Variants in PLEKHB1 observed in about 807,000 individuals in gnomAD.
PLEKHB1 encodes the protein pleckstrin homology domain-containing family B member 1.
In PLEKHB1, 29 loss-of-function variants were observed where a neutral mutation model predicts 36.2. The observed-to-expected ratio is 0.80, with a 90% confidence interval of 0.60 to 1.09. The LOEUF is 1.09. PLEKHB1 is among the 50% of genes least tolerant of loss of function. PLEKHB1 has a pLI of 0.00. For synonymous variants in PLEKHB1, 138 were observed against 140.0 expected (o/e 0.99, Z 0.10); for missense variants, 330 against 348.2 (o/e 0.95, Z 0.42).
chr11:73,661,034 C>A lies in PLEKHB1; in HGVS notation c.595+182C>A. 3.1e-6 allele frequency: 2 copies of A among 652,612 alleles called. No homozygotes were observed. The highest frequency in any genetic ancestry group is 2.6e-5 in the Admixed American group (1 of 38,028). 40.4% of individuals were successfully genotyped at this position (652,612 alleles called of 1,614,324 possible). A position where few individuals can be genotyped will look rare whatever the true frequency, so the allele number is the denominator to read the frequency against. On this transcript the variant is annotated intron_variant, in intron 7 of 7. Coordinates refer to ENST00000354190, the MANE Select transcript of PLEKHB1 (RefSeq NM_021200.3). The surrounding 1 kb of genome is among the most constrained non-coding windows in gnomAD (Gnocchi z 4.6). ...CTGGGAGAGCTCTGGAACCAGCGTT[C>A]GTCTCGAGCTGACCTCACCCTTCTG...
intron 5 of PLEKHB1, chr11:73,653,275 G>A (rs1268915091): frequency 3.4e-5 from 23 of 667,624 alleles, no homozygotes; most frequent in South Asian, 1.6e-5. Context: ...GTCTTTTATC[G>A]AGCAACTATT....
Position 73,661,610 on chromosome 11 carries a change from G to T in PLEKHB1, c.*8G>T. 1 of 1,572,336 alleles carries T rather than the reference G, an allele frequency of 6.4e-7. No homozygotes were observed. The highest frequency in any genetic ancestry group is 8.6e-7 in the Non-Finnish European group (1 of 1,161,188). Reference sequence around the variant, plus strand: ...TCGCCCTGCTGGTTCTGAGCCCTGGGACTCGGAGCACTGACCCCTGCGCTT... The same window carrying T: ...TCGCCCTGCTGGTTCTGAGCCCTGGTACTCGGAGCACTGACCCCTGCGCTT... On this transcript the variant is annotated 3_prime_UTR_variant, in exon 8 of 8. Coordinates refer to ENST00000354190, the MANE Select transcript of PLEKHB1 (RefSeq NM_021200.3). The surrounding 1 kb of genome is among the most constrained non-coding windows in gnomAD (Gnocchi z 4.6).
chr11:73,656,665 T>A lies in PLEKHB1; in HGVS notation c.495+758T>A, dbSNP rs1944998823. On this transcript the variant is annotated intron_variant, in intron 6 of 7. Coordinates refer to ENST00000354190, the MANE Select transcript of PLEKHB1 (RefSeq NM_021200.3). ...AGCACAGGGCCTGGCATGGGGTGGG[T>A]GGCAGGAGGGGGCTTGAGTGAGAGT... 2.0e-5 allele frequency among the ~76,000 whole-genome samples: 3 copies of A among 152,126 alleles called. No homozygotes were observed. In the South Asian group the frequency reaches 6.2e-4, roughly 32 times the overall value.
intron 1 of PLEKHB1, chr11:73,648,096 G>A (rs1944805745): frequency 3.8e-6 from 2 of 532,026 alleles, no homozygotes; most frequent in East Asian, 1.5e-4. Flanking sequence ...AGGTGAGGGA[G>A]TAGAATGTGC....
intron 5 of PLEKHB1, among the ~76,000 whole-genome samples, chr11:73,655,387 TCCAGGTGGAGGCTCCAGGAGCCCCTAACA>T (rs1425933384): frequency 1.3e-5 from 2 of 152,158 alleles, no homozygotes; most frequent in African/African-American, 4.8e-5. Flanking sequence ...CATACCTCAC[TCCAGGTGGAGGCTCCAGGAGCCCCTAACA>T]CCAGCTTTAC....
chr11:73,654,086 C>T (rs181326830), intron 5 of PLEKHB1, among the ~76,000 whole-genome samples: 3 of 151,418 alleles, frequency 2.0e-5, no homozygotes, highest in Admixed American at 2.0e-4. Flanking sequence ...AGGGTAACTG[C>T]AGACACCCAG....
chr11:73,646,873 T>A (rs890654898), intron 1 of PLEKHB1, among the ~76,000 whole-genome samples: 1 of 152,162 alleles, frequency 6.6e-6, no homozygotes, highest in East Asian at 1.9e-4. Flanking sequence ...TTCTTCACTG[T>A]GCCCTAGAGG....
intron 5 of PLEKHB1, chr11:73,653,233 G>C: frequency 1.5e-6 from 1 of 652,236 alleles, no homozygotes; most frequent in Non-Finnish European, 2.8e-6. Context: ...ATTTGCTGGA[G>C]GGAGTGGCAC....
chr11:73,651,990 G>A (rs1458204468), intron 4 of PLEKHB1, 100 bp downstream of exon 4: 3 of 1,063,430 alleles, frequency 2.8e-6, no homozygotes, highest in African/African-American at 1.6e-5. Context: ...TAGGAAGAGG[G>A]CACTAAGGCC....
chr11:73,647,926 C>T, intron 1 of PLEKHB1: 1 of 985,518 alleles, frequency 1.0e-6, no homozygotes, highest in Non-Finnish European at 1.2e-6. Flanking sequence ...GGCGGAGGCA[C>T]CCGCTGGCAA....
intron 3 of PLEKHB1, 113 bp downstream of exon 3, chr11:73,650,818 G>A: frequency 7.9e-7 from 1 of 1,273,264 alleles, no homozygotes; most frequent in Non-Finnish European, 1.1e-6. Flanking sequence ...GCATTTCACA[G>A]ACATTGCTTC....
At position 73,655,840 on chromosome 11, in the gene PLEKHB1, G is replaced by C. The variant is rs191182155; in HGVS notation, c.428G>C (p.Arg143Pro). 21 of 1,613,590 alleles carry C rather than the reference G, an allele frequency of 1.3e-5. No homozygotes were observed. Among genetic ancestry groups the C allele is most frequent in the Non-Finnish European group, 1.6e-5 (19 of 1,179,876 alleles). ...AGATVPPRSR[R>P]VCSKVRCVTR... ...GCCACCGTCCCTCCCAGGAGCCGCC[G>C]GGTTTGCTCCAAGGTCAGGTGTGTG... is the stretch of plus-strand genomic sequence containing the variant. The change falls in exon 6 of 8, where the codon CGG (arginine) becomes CCG (proline). Residue 143 changes from arginine (R) to proline (P), a missense_variant. Coordinates refer to ENST00000354190, the MANE Select transcript of PLEKHB1 (RefSeq NM_021200.3).
chr11:73,650,814 CACAG>C, intron 3 of PLEKHB1, 109 bp downstream of exon 3: 1 of 1,285,186 alleles, frequency 7.8e-7, no homozygotes, highest in Non-Finnish European at 1.0e-6. Context: ...AGAGGCATTT[CACAG>C]ACATTGCTTC....
chr11:73,660,885 G>T, intron 7 of PLEKHB1, 33 bp downstream of exon 7: 1 of 1,546,452 alleles, frequency 6.5e-7, no homozygotes, highest in South Asian at 1.2e-5. Context: ...GGCTTGCCTC[G>T]ATCCAGCACC....
rs1945145721 is a variant in PLEKHB1 at position 73,662,443 on chromosome 11, C to T, written c.*841C>T. 1.3e-5 allele frequency: 2 copies of T among 152,426 alleles called. No individual in the cohort carries two copies. The highest frequency in any genetic ancestry group is 6.5e-5 in the Admixed American group (1 of 15,280). The allele number at this position is 152,426 out of a possible 1,614,324, so 9.4% of individuals were successfully genotyped here. On this transcript the variant is annotated 3_prime_UTR_variant, in exon 8 of 8. Transcript: ENST00000354190. ...AACAGGTGAGTTCTATTTGAGACTTCCAGCCCTAGAAAGCTGCCTCCGTCC... is the reference window on the plus strand; with the variant it reads ...AACAGGTGAGTTCTATTTGAGACTTTCAGCCCTAGAAAGCTGCCTCCGTCC...
chr11:73,649,950 C>T (rs967071819), intron 2 of PLEKHB1, among the ~76,000 whole-genome samples: 1 of 152,152 alleles, frequency 6.6e-6, no homozygotes, highest in Admixed American at 6.5e-5. Context: ...GCCTGTAATC[C>T]CAACACTTTA....
Position 73,647,463 on chromosome 11 carries a change from A to G in PLEKHB1, c.18+837A>G, listed in dbSNP as rs141584491. ...GAACAAATGTCTTAATAGAAAAGTA[A>G]AATTGCAGGCGGGGCTGCTTCTGCC... On this transcript the variant is annotated intron_variant, in intron 1 of 7. Coordinates refer to ENST00000354190, the MANE Select transcript of PLEKHB1 (RefSeq NM_021200.3). 9.6e-6 allele frequency: 6 copies of G among 626,698 alleles called. No individual in the cohort carries two copies. In the African/African-American group the frequency reaches 9.9e-5, roughly 10 times the overall value. 38.8% of individuals were successfully genotyped at this position (626,698 alleles called of 1,614,324 possible).
At chr11:73,651,597 C>T in intron 3 of PLEKHB1, 191 bp from the exon 4 acceptor site, 1 of 668,250 alleles carries the variant, frequency 1.5e-6, no homozygotes, top group East Asian at 2.8e-5. Flanking sequence ...TGAGGGAAGC[C>T]TCAGCATGGA....
At position 73,661,707 on chromosome 11, in the gene PLEKHB1, C is replaced by A; in HGVS notation, c.*105C>A. The A allele has an allele frequency of 7.2e-7, 1 of 1,390,890 alleles. No individual in the cohort carries two copies. The highest frequency in any genetic ancestry group is 9.6e-7 in the Non-Finnish European group (1 of 1,037,912). The allele number at this position is 1,390,890 out of a possible 1,614,324, so 86.2% of individuals were successfully genotyped here. ...AAGCCCTGTCCCACTTTGGCCCTAT[C>A]CTCTCCATTAGCTCCTTCCGGGTTT... On this transcript the variant is annotated 3_prime_UTR_variant, in exon 8 of 8. Transcript: ENST00000354190. The surrounding 1 kb of genome is among the most constrained non-coding windows in gnomAD (Gnocchi z 4.6).
Sources: gnomAD v4.1 joint callset for allele counts (sites outside exome capture counted in the v4.1 genomes callset) on GRCh38, gnomAD v4.1.1 for gene constraint, Gnocchi (gnomAD v3.1) non-coding constraint, MANE v1.5 for transcripts, NCBI Gene and HGNC (gene_info 2026-07-23, HGNC 2026-07-21) for gene names.